The following MAGI1 variants were observed in gnomAD, a reference collection of about 807,000 sequenced individuals.
MAGI1 encodes the protein membrane-associated guanylate kinase, WW and PDZ domain-containing protein 1.
A neutral mutation model predicts 139.9 loss-of-function variants in MAGI1; 58 were observed. The ratio of observed to expected loss-of-function variants is 0.41; its 90% CI spans 0.34 to 0.52. The LOEUF (loss-of-function observed/expected upper bound fraction) is 0.52. MAGI1 is among the 20% of genes least tolerant of loss of function. MAGI1 has a pLI of 0.12. For synonymous variants in MAGI1, 812 were observed against 737.9 expected (o/e 1.10, Z -1.63); for missense variants, 1,874 against 1,901.6 (o/e 0.99, Z 0.27).
At chr3:65,777,896 G>A (rs540475683) in intron 1 of MAGI1, among the ~76,000 whole-genome samples, 1 of 152,268 alleles carries the variant, frequency 6.6e-6, no homozygotes, top group African/African-American at 2.4e-5. Context: ...CTGGCATGCA[G>A]TAAACAATCA....
At chr3:65,374,214 C>T (rs1942276028) in intron 18 of MAGI1, among the ~76,000 whole-genome samples, 1 of 152,038 alleles carries the variant, frequency 6.6e-6, no homozygotes, top group Non-Finnish European at 1.5e-5. Context: ...ACAAGTGTCA[C>T]CTTCCTCCCA....
At chr3:65,691,043 C>T (rs555150678) in intron 1 of MAGI1, among the ~76,000 whole-genome samples, 2 of 152,102 alleles carry the variant, frequency 1.3e-5, no homozygotes, top group South Asian at 4.1e-4. Context: ...GTGGCTCAGG[C>T]CTGTAATCCA....
intron 1 of MAGI1, among the ~76,000 whole-genome samples, chr3:65,677,721 C>A (rs1021486546): frequency 6.6e-6 from 1 of 152,186 alleles, no homozygotes; most frequent in Non-Finnish European, 1.5e-5. Flanking sequence ...TTCGTATCCA[C>A]GTCAAAGGTC....
At chr3:65,881,997 A>C (rs988215372) in intron 1 of MAGI1, among the ~76,000 whole-genome samples, 1 of 152,188 alleles carries the variant, frequency 6.6e-6, no homozygotes, top group Non-Finnish European at 1.5e-5. Context: ...TCCCCAAGCA[A>C]CCTTCAGTTT....
intron 1 of MAGI1, among the ~76,000 whole-genome samples, chr3:65,830,297 C>A (rs1178922250): frequency 2.0e-5 from 3 of 151,438 alleles, no homozygotes; most frequent in Non-Finnish European, 4.4e-5. Context: ...TAAAACCACA[C>A]CTGGGGAAAA....
chr3:65,808,067 C>T (rs909959182), intron 1 of MAGI1, among the ~76,000 whole-genome samples: 2 of 151,556 alleles, frequency 1.3e-5, no homozygotes, highest in East Asian at 3.9e-4. Context: ...CTCACTGCAA[C>T]CTCTGCCTCC....
chr3:65,872,683 AAAAT>A (rs1172077110), intron 1 of MAGI1: 4 of 152,206 alleles, frequency 2.6e-5, no homozygotes, highest in African/African-American at 7.2e-5. Context: ...TATGAATAGA[AAAAT>A]AAATATTTTA....
chr3:65,930,153 GA>G (rs1248926863), intron 1 of MAGI1, among the ~76,000 whole-genome samples: 16 of 151,316 alleles, frequency 1.1e-4, no homozygotes, highest in African/African-American at 3.9e-4. Context: ...TGTCTCTACT[GA>G]AAATACAAAA....
chr3:65,446,910 A>G (rs1948717382), intron 7 of MAGI1, among the ~76,000 whole-genome samples: 1 of 152,236 alleles, frequency 6.6e-6, no homozygotes, highest in African/African-American at 2.4e-5. Context: ...TCCAAATGTT[A>G]AGAAAAACAG....
chr3:65,694,582 C>T (rs906670461), intron 1 of MAGI1, among the ~76,000 whole-genome samples: 1 of 152,196 alleles, frequency 6.6e-6, no homozygotes, highest in Non-Finnish European at 1.5e-5. Context: ...GGGACTTAAT[C>T]AGGACAGTTT....
In MAGI1 at chr3:65,387,004, A is replaced by G; in HGVS notation, c.2417-3381T>C. 4.4e-6 allele frequency: 3 copies of G among 680,842 alleles called. 1 individual carries two copies. The highest frequency in any genetic ancestry group is 3.9e-5 in the South Asian group (2 of 51,508). 42.2% of individuals were successfully genotyped at this position (680,842 alleles called of 1,614,324 possible). On this transcript the variant is annotated intron_variant, in intron 14 of 22. Transcript: ENST00000402939. ...GTCTTTGGTTTGCGTTTGGTCAACA[A>G]GAGCTCCAAAGCACTTCCCTTCATG...
chr3:65,532,648 A>T (rs2078766628), intron 2 of MAGI1: 1 of 152,290 alleles, frequency 6.6e-6, no homozygotes. Context: ...AATGCAATTA[A>T]CAAGAGAGAA....
intron 1 of MAGI1, among the ~76,000 whole-genome samples, chr3:65,775,924 AGAGT>A (rs1183304297): frequency 2.0e-5 from 3 of 149,442 alleles, no homozygotes; most frequent in South Asian, 2.1e-4. Flanking sequence ...CCTCAGTCAC[AGAGT>A]GAGACCCTGT....
At chr3:65,848,825 C>G (rs957480592) in intron 1 of MAGI1, among the ~76,000 whole-genome samples, 1 of 151,750 alleles carries the variant, frequency 6.6e-6, no homozygotes, top group Admixed American at 6.6e-5. Context: ...TAGTACACAC[C>G]ACAGCAGATC....
At chr3:66,006,448 T>C (rs2067015368) in intron 1 of MAGI1, among the ~76,000 whole-genome samples, 2 of 152,208 alleles carry the variant, frequency 1.3e-5, no homozygotes, top group South Asian at 2.1e-4. Flanking sequence ...TAGGTATACA[T>C]GTATATGTGT....
intron 18 of MAGI1, among the ~76,000 whole-genome samples, chr3:65,370,217 G>A (rs1438435920): frequency 1.3e-5 from 2 of 151,984 alleles, no homozygotes; most frequent in Non-Finnish European, 2.9e-5. Flanking sequence ...GCAGTGAGCC[G>A]AGATCATGCC....
chr3:65,891,031 G>A (rs190645095), intron 1 of MAGI1, among the ~76,000 whole-genome samples: 19 of 152,062 alleles, frequency 1.2e-4, no homozygotes, highest in Admixed American at 4.6e-4. Context: ...TGGGCAACAC[G>A]GCAAAACCCC....
At chr3:65,464,393 A>G (rs1444160265) in intron 5 of MAGI1, among the ~76,000 whole-genome samples, 1 of 152,014 alleles carries the variant, frequency 6.6e-6, no homozygotes, top group African/African-American at 2.4e-5. Context: ...TTTACCTCTC[A>G]TCACTGCCTT....
At chr3:65,425,234 T>C (rs1057171576) in intron 12 of MAGI1, among the ~76,000 whole-genome samples, 1 of 151,794 alleles carries the variant, frequency 6.6e-6, no homozygotes, top group African/African-American at 2.4e-5. Flanking sequence ...CAATTGCCAC[T>C]ATTGCTTTAT....
Sources: gnomAD v4.1 joint callset for allele counts (sites outside exome capture counted in the v4.1 genomes callset) on GRCh38, gnomAD v4.1.1 for gene constraint, MANE v1.5 for transcripts, NCBI Gene and HGNC (gene_info 2026-07-23, HGNC 2026-07-21) for gene names.